Variants in TANC2 observed in about 807,000 individuals in gnomAD.
TANC2 encodes protein TANC2.
In TANC2, 26 loss-of-function variants were observed where a neutral mutation model predicts 210.5. The ratio of observed to expected loss-of-function variants is 0.12; its 90% CI spans 0.09 to 0.17. The LOEUF (loss-of-function observed/expected upper bound fraction) is 0.17. TANC2 is among the 10% of genes least tolerant of loss of function. TANC2 has a pLI of 1.00. For synonymous variants in TANC2, 931 were observed against 967.1 expected, an observed-to-expected ratio of 0.96 and a Z score of 0.69; for missense variants, 2,129 against 2,608.9, an observed-to-expected ratio of 0.82 and a Z score of 4.01.
chr17:63,135,669 C>A (rs901864559), intron 4 of TANC2, among the ~76,000 whole-genome samples: 1 of 151,948 alleles, frequency 6.6e-6, no homozygotes, highest in Admixed American at 6.6e-5. Flanking sequence ...CTATGATGAA[C>A]CATGTTTATA....
intron 5 of TANC2, among the ~76,000 whole-genome samples, chr17:63,172,759 AATAAC>A (rs1027597081): frequency 6.6e-6 from 1 of 152,152 alleles, no homozygotes; most frequent in Non-Finnish European, 1.5e-5. Context: ...AATATATATA[AATAAC>A]ATATGTTCTC....
intron 11 of TANC2, among the ~76,000 whole-genome samples, chr17:63,328,638 A>G (rs2146692788): frequency 6.6e-6 from 1 of 151,596 alleles, no homozygotes; most frequent in African/African-American, 2.4e-5. Flanking sequence ...GGGAGTGTGA[A>G]GAAGGAAGGA....
chr17:63,021,063 T>A (rs1189810860), intron 2 of TANC2, among the ~76,000 whole-genome samples: 1 of 152,110 alleles, frequency 6.6e-6, no homozygotes, highest in Non-Finnish European at 1.5e-5. Context: ...ATCTCCAACA[T>A]TGGGGGTCAC....
chr17:63,160,132 A>G lies in TANC2; in HGVS notation c.433+8752A>G, dbSNP rs180970687. Reference sequence around the variant, plus strand: ...ATTTGGATCAGGGCTGCACACTTATAACCTCATTTAACATTAATTACTTTC... The same window carrying G: ...ATTTGGATCAGGGCTGCACACTTATGACCTCATTTAACATTAATTACTTTC... On this transcript the variant is annotated intron_variant, in intron 5 of 27. Coordinates refer to ENST00000689528, the Ensembl canonical transcript of TANC2. Among the ~76,000 whole-genome samples, 4 of 152,372 alleles carry G rather than the reference A, an allele frequency of 2.6e-5. No individual in the cohort carries two copies. In the East Asian group the frequency reaches 7.7e-4, roughly 29 times the overall value.
intron 13 of TANC2, among the ~76,000 whole-genome samples, chr17:63,354,281 C>T (rs1168617635): frequency 6.6e-6 from 1 of 152,156 alleles, no homozygotes; most frequent in Non-Finnish European, 1.5e-5. Flanking sequence ...AAGGTATCTC[C>T]AGAAGGCCCG....
chr17:63,140,813 CT>C (rs1203602167), intron 4 of TANC2, among the ~76,000 whole-genome samples: 8 of 152,142 alleles, frequency 5.3e-5, no homozygotes, highest in African/African-American at 1.9e-4. Context: ...GAGGCACCAT[CT>C]TGGCTCATTG....
chr17:63,323,615 C>T (rs2045561852), intron 11 of TANC2, among the ~76,000 whole-genome samples: 1 of 152,142 alleles, frequency 6.6e-6, no homozygotes, highest in Non-Finnish European at 1.5e-5. Flanking sequence ...AAGTTGGCCT[C>T]CCTTTATGGA....
rs989477132 is a variant in TANC2, at chr17:63,421,899, C to A, written c.6169C>A (p.Gln2057Lys). 2.5e-6 allele frequency: 4 copies of A among 1,613,802 alleles called. No individual in the cohort carries two copies. In the African/African-American group the frequency reaches 5.3e-5, roughly 22 times the overall value. Residue 2057 changes from glutamine (Q) to lysine (K), a missense_variant, in exon 28 of 28, where the codon CAA becomes AAA. This residue lies in a region of TANC2 where 161 missense variants were observed against 178.6 expected (regional missense o/e 0.90). Transcript: ENST00000689528. The surrounding 1 kb of genome is among the most constrained non-coding windows in gnomAD (Gnocchi z 6.9). Reference sequence around the variant, plus strand: ...CAGGCAGCTGTCCCGAGACTCTCGGCAAGGGCAGACATCCCCTATCAAACC... The same window carrying A: ...CAGGCAGCTGTCCCGAGACTCTCGGAAAGGGCAGACATCCCCTATCAAACC...
intron 7 of TANC2, among the ~76,000 whole-genome samples, chr17:63,209,756 G>A (rs925489310): frequency 3.3e-5 from 5 of 152,076 alleles, no homozygotes; most frequent in African/African-American, 7.2e-5. Flanking sequence ...TCAGTATTTC[G>A]CTATTAAGTA....
intron 2 of TANC2, among the ~76,000 whole-genome samples, chr17:63,023,721 G>A (rs1365892763): frequency 6.6e-6 from 1 of 152,180 alleles, no homozygotes; most frequent in Non-Finnish European, 1.5e-5. Flanking sequence ...AGTTTGTGCT[G>A]AAATGAAACA....
At chr17:63,209,336 T>G (rs1226872265) in intron 7 of TANC2, among the ~76,000 whole-genome samples, 1 of 151,614 alleles carries the variant, frequency 6.6e-6, no homozygotes, top group Non-Finnish European at 1.5e-5. Flanking sequence ...TTCCTTGTTG[T>G]ACCAGCTAAT....
chr17:63,230,892 G>A (rs1489426653), intron 7 of TANC2, among the ~76,000 whole-genome samples: 1 of 152,146 alleles, frequency 6.6e-6, no homozygotes, highest in African/African-American at 2.4e-5. Flanking sequence ...TTATTGTGTA[G>A]GAGTCTAAGT....
intron 4 of TANC2, among the ~76,000 whole-genome samples, chr17:63,106,201 T>A (rs934624356): frequency 1.3e-5 from 2 of 151,614 alleles, no homozygotes. Context: ...AAGTAGAGAA[T>A]GTTAGAGGGT....
chr17:62,995,561 G>A (rs1340425462), intron 1 of TANC2, among the ~76,000 whole-genome samples: 2 of 152,036 alleles, frequency 1.3e-5, no homozygotes, highest in African/African-American at 2.4e-5. Flanking sequence ...GCTTTGAAGG[G>A]GTAGAAAGAG....
intron 4 of TANC2, among the ~76,000 whole-genome samples, chr17:63,114,157 C>A (rs2145063716): frequency 6.6e-6 from 1 of 152,224 alleles, no homozygotes; most frequent in East Asian, 1.9e-4. Context: ...TGACCTTTTT[C>A]AAATGTTACA....
chr17:63,133,796 C>A (rs940544289), intron 4 of TANC2, among the ~76,000 whole-genome samples: 4 of 152,042 alleles, frequency 2.6e-5, no homozygotes, highest in African/African-American at 9.7e-5. Flanking sequence ...TTCCTAAAGC[C>A]CCTGCCTTAA....
intron 1 of TANC2, among the ~76,000 whole-genome samples, chr17:63,008,884 G>A (rs148097535): frequency 1.6e-4 from 24 of 152,126 alleles, no homozygotes; most frequent in Non-Finnish European, 3.2e-4. Context: ...TGTGCGTCAG[G>A]TAGGAAAATT....
rs191654524 is a variant in TANC2 at position 63,064,688 on chromosome 17, T to A, written c.68-9255T>A. On this transcript the variant is annotated intron_variant, in intron 2 of 27. Transcript: ENST00000689528. ...TTTCAAATGGTTGGAATACAAAAATTATTGTGGATTTTATTGTCTCTGGAT... is the reference window on the plus strand; with the variant it reads ...TTTCAAATGGTTGGAATACAAAAATAATTGTGGATTTTATTGTCTCTGGAT... 5.9e-5 allele frequency among the ~76,000 whole-genome samples: 9 copies of A among 152,270 alleles called. 1 individual carries two copies. The East Asian group carries it at 1.7e-3, about 29-fold the overall frequency.
intron 1 of TANC2, among the ~76,000 whole-genome samples, chr17:63,003,512 A>G (rs774879277): frequency 1.5e-4 from 23 of 152,310 alleles, no homozygotes; most frequent in Middle Eastern, 6.8e-3. Context: ...AGACAAAGGG[A>G]TGTTTTACCT....
Sources: allele counts gnomAD v4.1 joint callset (sites outside exome capture counted in the v4.1 genomes callset), GRCh38; gene constraint gnomAD v4.1.1; regional missense constraint gnomAD v4.1.1; non-coding constraint Gnocchi (gnomAD v3.1); transcripts MANE v1.5; gene names NCBI Gene and HGNC (gene_info 2026-07-23, HGNC 2026-07-21).